Variants in BCKDHB observed in about 807,000 individuals in gnomAD.
BCKDHB encodes 2-oxoisovalerate dehydrogenase subunit beta, mitochondrial.
BCKDHB carries 41 observed loss-of-function variants against 48.5 expected under a neutral mutation model. That is an observed-to-expected ratio of 0.85 (90% CI 0.66 to 1.10). BCKDHB has a LOEUF of 1.10. Ranked by LOEUF, BCKDHB falls within the 50% of genes least tolerant of loss-of-function variation. The pLI, the probability that BCKDHB is intolerant of heterozygous loss-of-function variation, is 0.00. For missense variants in BCKDHB, 496 were observed against 494.2 expected, an observed-to-expected ratio of 1.00 and a Z score of -0.03; for synonymous variants, 201 against 174.8, an observed-to-expected ratio of 1.15 and a Z score of -1.18.
chr6:80,154,773 G>A (rs1771957997), intron 3 of BCKDHB, among the ~76,000 whole-genome samples: 1 of 151,986 alleles, frequency 6.6e-6, no homozygotes, highest in Admixed American at 6.6e-5. Flanking sequence ...ATAATTTGTT[G>A]AACTATAAGA....
intron 8 of BCKDHB, among the ~76,000 whole-genome samples, chr6:80,222,506 C>CT (rs1043400738): frequency 6.6e-6 from 1 of 152,152 alleles, no homozygotes; most frequent in Non-Finnish European, 1.5e-5. Flanking sequence ...TCTGTCCCTT[C>CT]TTTCCCTGGA....
chr6:80,164,353 A>C (rs1388224644), intron 3 of BCKDHB, among the ~76,000 whole-genome samples: 1 of 152,052 alleles, frequency 6.6e-6, no homozygotes, highest in Non-Finnish European at 1.5e-5. Flanking sequence ...TGCCCAGAAT[A>C]TTTATTCTCT....
chr6:80,215,283 T>G (rs1033399413), intron 8 of BCKDHB, among the ~76,000 whole-genome samples: 2 of 152,226 alleles, frequency 1.3e-5, no homozygotes, highest in Non-Finnish European at 2.9e-5. Context: ...AATTTGAAAG[T>G]TGGTCCCTCC....
chr6:80,143,938 T>C (rs1439800168), intron 3 of BCKDHB, among the ~76,000 whole-genome samples: 1 of 152,176 alleles, frequency 6.6e-6, no homozygotes, highest in African/African-American at 2.4e-5. Flanking sequence ...ATTTAACCCA[T>C]CTTTTCTGTT....
chr6:80,364,599 T>A, the BCKDHB span, among the ~76,000 whole-genome samples: 1 of 152,208 alleles, frequency 6.6e-6, no homozygotes, highest in Admixed American at 6.5e-5. Flanking sequence ...TCTTCGAGAC[T>A]CTTTGTTGTA....
rs867931558 is a variant in BCKDHB at position 80,216,717 on chromosome 6, C to T, written c.951+13505C>T. Among the ~76,000 whole-genome samples the T allele has an allele frequency of 3.9e-5, 6 of 152,240 alleles. No homozygotes were observed. In the Middle Eastern group the frequency reaches 0.014, roughly 345 times the overall value. ...TTAGTTTAACATTTTAGGTGTAATACAAGAAATCTAAATGTGTTGACTTTC... is the reference window on the plus strand; with the variant it reads ...TTAGTTTAACATTTTAGGTGTAATATAAGAAATCTAAATGTGTTGACTTTC... On this transcript the variant is annotated intron_variant, in intron 8 of 9. Transcript: ENST00000320393.
chr6:80,187,230 T>A (rs1210404872), intron 6 of BCKDHB, among the ~76,000 whole-genome samples: 2 of 152,204 alleles, frequency 1.3e-5, no homozygotes, highest in Non-Finnish European at 2.9e-5. Flanking sequence ...GCAGTATCAT[T>A]TGATTAAATG....
At chr6:80,295,647 T>C (rs1208663985) in intron 9 of BCKDHB, among the ~76,000 whole-genome samples, 1 of 151,982 alleles carries the variant, frequency 6.6e-6, no homozygotes, top group Admixed American at 6.6e-5. Context: ...AAGATTCTTA[T>C]TGCACTTACA....
chr6:80,285,883 A>G (rs963456248), intron 9 of BCKDHB, among the ~76,000 whole-genome samples: 1 of 152,078 alleles, frequency 6.6e-6, no homozygotes, highest in African/African-American at 2.4e-5. Context: ...AAATTGCTTA[A>G]TACCATTCGA....
At chr6:80,461,493 A>G in the BCKDHB span, among the ~76,000 whole-genome samples, 1 of 150,314 alleles carries the variant, frequency 6.7e-6, no homozygotes, top group Non-Finnish European at 1.5e-5. Context: ...GAGTTTTACA[A>G]AGTGTTACAA....
intron 3 of BCKDHB, among the ~76,000 whole-genome samples, chr6:80,148,590 C>T (rs1356460848): frequency 6.6e-6 from 1 of 152,208 alleles, no homozygotes; most frequent in East Asian, 1.9e-4. Context: ...TTCTCACTCT[C>T]CTTCCTAGTC....
At chr6:80,266,302 C>A (rs1057272056) in intron 8 of BCKDHB, among the ~76,000 whole-genome samples, 3 of 152,078 alleles carry the variant, frequency 2.0e-5, no homozygotes, top group African/African-American at 7.2e-5. Context: ...AACAACCTGA[C>A]AAGCAGCTAC....
At chr6:80,230,400 G>C (rs1562157122) in intron 8 of BCKDHB, among the ~76,000 whole-genome samples, 1 of 151,866 alleles carries the variant, frequency 6.6e-6, no homozygotes, top group Non-Finnish European at 1.5e-5. Context: ...GCCCCAAATA[G>C]CCAAGAAAAA....
In BCKDHB at chr6:80,203,164, C is replaced by G. The variant is rs1163904802; in HGVS notation, c.903C>G (p.Val301=). The change falls in exon 8 of 10, where the codon GTC becomes GTG. Residue 301 remains valine, a synonymous_variant. Transcript: ENST00000320393. The stretch of plus-strand genomic sequence containing the variant: ...AAAAGCTTGGAGTGTCTTGTGAAGT[C>G]ATTGATCTGAGGACTATAATACCTT... The part of the protein sequence containing the change: ...AKEKLGVSCE[V]IDLRTIIPWD... 1 of 1,612,690 alleles carries G rather than the reference C, an allele frequency of 6.2e-7. No homozygotes were observed. Among genetic ancestry groups the G allele is most frequent in the Non-Finnish European group, 8.5e-7 (1 of 1,179,036 alleles).
At chr6:80,371,070 T>A in the BCKDHB span, among the ~76,000 whole-genome samples, 26 of 152,238 alleles carry the variant, frequency 1.7e-4, no homozygotes, top group African/African-American at 6.3e-4. Context: ...CCCACACTAT[T>A]TTCCATAGTG....
intron 8 of BCKDHB, among the ~76,000 whole-genome samples, chr6:80,232,338 T>C (rs1257926295): frequency 2.0e-5 from 3 of 151,906 alleles, no homozygotes; most frequent in African/African-American, 7.3e-5. Context: ...TCGATCAAGA[T>C]CAACCATAGA....
chr6:80,371,264 GT>G, the BCKDHB span, among the ~76,000 whole-genome samples: 4 of 152,000 alleles, frequency 2.6e-5, no homozygotes, highest in African/African-American at 7.2e-5. Context: ...TTTTTCATAT[GT>G]TTGTTGGTCA....
At chr6:80,382,707 T>C in the BCKDHB span, among the ~76,000 whole-genome samples, 1 of 152,252 alleles carries the variant, frequency 6.6e-6, no homozygotes, top group South Asian at 2.1e-4. Context: ...TATATATTCA[T>C]TTCCATTTGA....
intron 8 of BCKDHB, among the ~76,000 whole-genome samples, chr6:80,208,115 G>C (rs896961413): frequency 1.3e-5 from 2 of 151,740 alleles, no homozygotes; most frequent in Non-Finnish European, 3.0e-5. Flanking sequence ...CAAAAGCTTG[G>C]AGTCATTGAG....
Sources: allele counts gnomAD v4.1 joint callset (sites outside exome capture counted in the v4.1 genomes callset), GRCh38; gene constraint gnomAD v4.1.1; transcripts MANE v1.5; gene names NCBI Gene and HGNC (gene_info 2026-07-23, HGNC 2026-07-21).